The following PCDH11X variants were observed in gnomAD, a reference collection of about 807,000 sequenced individuals.
The protein encoded by PCDH11X is protocadherin 11 X-linked.
In PCDH11X, 18 loss-of-function variants were observed where a neutral mutation model predicts 53.3. The ratio of observed to expected loss-of-function variants is 0.34; its 90% CI spans 0.23 to 0.50. PCDH11X has a LOEUF of 0.50. Among genes scored for constraint, PCDH11X ranks in the 20% least tolerant of loss-of-function variants. PCDH11X has a pLI of 0.98. For synonymous variants in PCDH11X, 279 were observed against 393.3 expected (o/e 0.71, Z 3.44); for missense variants, 570 against 1,032.4 (o/e 0.55, Z 6.14).
chrX:92,221,371 C>T (rs1189320128), intron 7 of PCDH11X, among the ~76,000 whole-genome samples: 4 of 104,987 alleles, frequency 3.8e-5, no homozygotes, highest in Non-Finnish European at 7.8e-5. Context: ...TGGTTCTGGT[C>T]CGAGGCAAAG....
chrX:92,593,426 G>A (rs1369742985), intron 10 of PCDH11X, among the ~76,000 whole-genome samples: 2 of 111,879 alleles, frequency 1.8e-5, no homozygotes, highest in African/African-American at 6.5e-5. Context: ...TAACAGCATA[G>A]CATGTACTTG....
At chrX:91,894,104 G>A (rs1368901929) in intron 6 of PCDH11X, among the ~76,000 whole-genome samples, 1 of 111,877 alleles carries the variant, frequency 8.9e-6, no homozygotes. Flanking sequence ...CCAGCTTTAG[G>A]ATAAGACATT....
At chrX:91,921,840 G>A (rs1371018795) in intron 6 of PCDH11X, among the ~76,000 whole-genome samples, 1 of 110,524 alleles carries the variant, frequency 9.0e-6, no homozygotes, top group African/African-American at 3.3e-5. Context: ...TGTGATTGCT[G>A]AGCCTTATGG....
intron 5 of PCDH11X, among the ~76,000 whole-genome samples, chrX:91,868,373 A>G (rs1033791055): frequency 8.9e-6 from 1 of 111,778 alleles, no homozygotes; most frequent in African/African-American, 3.2e-5. Flanking sequence ...GTCAGAGGCC[A>G]TGGGACACAG....
chrX:92,497,668 C>T (rs1483838869), intron 10 of PCDH11X, among the ~76,000 whole-genome samples: 1 of 111,048 alleles, frequency 9.0e-6, no homozygotes, highest in Non-Finnish European at 1.9e-5. Context: ...ATGATAAATC[C>T]TTCGAAGTAT....
chrX:92,006,797 G>A (rs1186886690), intron 6 of PCDH11X, among the ~76,000 whole-genome samples: 2 of 111,231 alleles, frequency 1.8e-5, no homozygotes, highest in Non-Finnish European at 3.8e-5. Flanking sequence ...TGTGATCTAA[G>A]CAGTATCTTC....
At chrX:92,564,240 C>T (rs781576147) in intron 10 of PCDH11X, among the ~76,000 whole-genome samples, 95 of 108,133 alleles carry the variant, frequency 8.8e-4, no homozygotes, top group African/African-American at 3.0e-3. Context: ...CTATCAGTCA[C>T]GCTTTTTCAC....
At chrX:92,324,272 G>A (rs1170946659) in intron 8 of PCDH11X, among the ~76,000 whole-genome samples, 1 of 111,269 alleles carries the variant, frequency 9.0e-6, no homozygotes, top group Admixed American at 9.6e-5. Flanking sequence ...CATGCTTGAG[G>A]CCACCCCAGG....
chrX:92,251,066 C>T (rs1341371655), intron 7 of PCDH11X, among the ~76,000 whole-genome samples: 2 of 110,937 alleles, frequency 1.8e-5, no homozygotes, highest in African/African-American at 6.5e-5. Context: ...ATATATATAA[C>T]TCTTACAAAT....
At chrX:91,919,722 A>T (rs1490487422) in intron 6 of PCDH11X, among the ~76,000 whole-genome samples, 1 of 111,279 alleles carries the variant, frequency 9.0e-6, no homozygotes, top group African/African-American at 3.3e-5. Flanking sequence ...GTCTGTTTTC[A>T]TATCTCCTTG....
At chrX:91,799,980 T>G (rs779770715) in intron 1 of PCDH11X, among the ~76,000 whole-genome samples, 1 of 112,040 alleles carries the variant, frequency 8.9e-6, no homozygotes, top group South Asian at 3.7e-4. Flanking sequence ...TCCCACGTAC[T>G]CGGGAGGCTG....
chrX:92,199,728 T>A (rs1437458353), intron 6 of PCDH11X, among the ~76,000 whole-genome samples: 1 of 111,265 alleles, frequency 9.0e-6, no homozygotes, highest in African/African-American at 3.3e-5. Context: ...TTATTTTAAG[T>A]TCTTATTTTT....
chrX:92,326,897 C>T (rs918300069), intron 8 of PCDH11X, among the ~76,000 whole-genome samples: 25 of 107,759 alleles, frequency 2.3e-4, no homozygotes, highest in South Asian at 4.1e-4. Context: ...AACTTCATCT[C>T]ATAATTTGCA....
chrX:91,864,681 G>T lies in PCDH11X; in HGVS notation c.541-12100G>T, dbSNP rs1482607271. The stretch of plus-strand genomic sequence containing the variant: ...AGGCTACTAATATTTCTTAGATCCT[G>T]TGGGCATGCTTCGTTGTTTTTTATT... On this transcript the variant is annotated intron_variant, in intron 5 of 10. Transcript: ENST00000682573. Among the ~76,000 whole-genome samples, 5 of 99,989 alleles carry T rather than the reference G, an allele frequency of 5.0e-5. No homozygotes were observed. The East Asian group carries it at 1.3e-3, about 25-fold the overall frequency. 86.8% of individuals were successfully genotyped at this position (99,989 alleles called of 115,157 possible).
At chrX:92,083,961 G>C (rs1487263098) in intron 6 of PCDH11X, among the ~76,000 whole-genome samples, 9 of 109,494 alleles carry the variant, frequency 8.2e-5, no homozygotes, top group African/African-American at 2.7e-4. Context: ...GGTGGTGCAT[G>C]CCTGTAATCC....
In PCDH11X at chrX:92,005,751, T is replaced by C. The variant is rs1487743236; in HGVS notation, c.3033+126478T>C. Among the ~76,000 whole-genome samples the C allele has an allele frequency of 5.4e-5, 6 of 112,106 alleles. 1 individual carries two copies. The highest frequency in any genetic ancestry group is 9.4e-5 in the Non-Finnish European group (5 of 53,243). On this transcript the variant is annotated intron_variant, in intron 6 of 10. Transcript: ENST00000682573. The stretch of plus-strand genomic sequence containing the variant: ...CTTATTAATGTCCTTTTCTTTCTAA[T>C]TGAAGTACTCCCTATAGCATTTCCT...
intron 6 of PCDH11X, among the ~76,000 whole-genome samples, chrX:91,955,828 T>C (rs755168385): frequency 3.6e-5 from 4 of 111,652 alleles, no homozygotes; most frequent in South Asian, 7.6e-4. Flanking sequence ...TAATTTTCTG[T>C]CTTGATGACA....
At chrX:92,075,726 T>A (rs112841473) in intron 6 of PCDH11X, among the ~76,000 whole-genome samples, 34,502 of 110,990 alleles carry the variant, frequency 0.31, 5,059 homozygotes, top group Non-Finnish European at 0.46. Context: ...TCCACAAAAT[T>A]TACTTGTAAG....
chrX:92,103,519 G>A (rs2064308595), intron 6 of PCDH11X, among the ~76,000 whole-genome samples: 1 of 111,610 alleles, frequency 9.0e-6, no homozygotes, highest in African/African-American at 3.3e-5. Context: ...CAGCCGGTAA[G>A]CCAAGAAGGA....
Sources: allele counts gnomAD v4.1 joint callset (sites outside exome capture counted in the v4.1 genomes callset), GRCh38; gene constraint gnomAD v4.1.1; transcripts MANE v1.5; gene names NCBI Gene and HGNC (gene_info 2026-07-23, HGNC 2026-07-21).